The following CD52 variants were observed in gnomAD, a reference collection of about 807,000 sequenced individuals.
CD52 encodes the protein CD52 molecule, also known as CAMPATH-1 antigen.
CD52 carries 2 observed loss-of-function variants against 2.5 expected under a neutral mutation model. The observed-to-expected ratio is 0.79, with a 90% CI of 0.32 to 2.48. CD52 has a LOEUF of 2.48. Among genes scored for constraint, CD52 ranks in the 30% most tolerant of loss-of-function variants. The pLI is 0.11. For missense variants in CD52, 62 were observed against 75.8 expected (o/e 0.82, Z 0.68); for synonymous variants, 24 against 27.7 (o/e 0.87, Z 0.42).
chr1:26,319,678 A>T (rs1353136638), intron 1 of CD52, among the ~76,000 whole-genome samples: 1 of 152,130 alleles, frequency 6.6e-6, no homozygotes, highest in African/African-American at 2.4e-5. Context: ...GTGTCAAAGC[A>T]GGAAGCAGTC....
chr1:26,319,144 A>G (rs925993410), intron 1 of CD52: 9 of 152,256 alleles, frequency 5.9e-5, no homozygotes, highest in African/African-American at 2.2e-4. Flanking sequence ...TCCCGTCTCT[A>G]CTAAAAATAC....
intron 1 of CD52, 112 bp from the exon 2 acceptor site, chr1:26,320,059 G>A: frequency 5.4e-6 from 7 of 1,285,404 alleles, no homozygotes; most frequent in Non-Finnish European, 6.4e-6. Flanking sequence ...GGTGGAGGAT[G>A]CAGTGAGCCG....
intron 1 of CD52, 95 bp downstream of exon 1, chr1:26,318,166 T>C: frequency 9.3e-7 from 1 of 1,070,574 alleles, no homozygotes; most frequent in Non-Finnish European, 1.4e-6. Context: ...AGACCCAGCC[T>C]TCTCTCCTGA....
chr1:26,318,638 C>A (rs1192682015), intron 1 of CD52: 1 of 153,076 alleles, frequency 6.5e-6, no homozygotes, highest in Non-Finnish European at 1.5e-5. Flanking sequence ...GGTAGCATCC[C>A]AGGTGCCCAG....
intron 1 of CD52, 96 bp from the exon 2 acceptor site, chr1:26,320,075 G>A (rs1557698118): frequency 1.8e-5 from 26 of 1,422,478 alleles, no homozygotes; most frequent in Admixed American, 2.6e-5. Context: ...AGCCGAGATC[G>A]CATCACTGCA....
At chr1:26,318,893 C>T (rs2073823534) in intron 1 of CD52, 1 of 152,446 alleles carries the variant, frequency 6.6e-6, no homozygotes, top group Admixed American at 6.5e-5. Context: ...CTTCTCCCCA[C>T]TCAGAAGATG....
rs1172869991 is a variant in CD52, at chr1:26,318,043, T to G, written c.26T>G (p.Leu9Arg). MKRFLFLL[L>R]TISLLVMVQI... ...ATGAAGCGCTTCCTCTTCCTCCTAC[T>G]CACCATCAGCCTCCTGGTTATGGTA... The change falls in exon 1 of 2, where the codon CTC (leucine) becomes CGC (arginine). Residue 9 changes from leucine to arginine, a missense_variant. Transcript: ENST00000374213. The G allele has an allele frequency of 6.2e-7, 1 of 1,614,000 alleles. No individual in the cohort carries two copies. The highest frequency in any genetic ancestry group is 2.2e-5 in the East Asian group (1 of 44,894).
chr1:26,319,971 T>A (rs1436322280), intron 1 of CD52, among the ~76,000 whole-genome samples, 200 bp from the exon 2 acceptor site: 1 of 150,836 alleles, frequency 6.6e-6, no homozygotes, highest in African/African-American at 2.4e-5. Context: ...AATAGAAAAA[T>A]TAGCCGGGCG....
rs749227240 is a variant in CD52, at chr1:26,318,048, A to G, written c.31A>G (p.Ile11Val). Residue 11 changes from isoleucine to valine, a missense_variant, in exon 1 of 2, where the codon ATC (isoleucine) becomes GTC (valine). Physicochemically the swap from Ile to Val is conservative, Grantham distance 29. Coordinates refer to ENST00000374213, the MANE Select transcript of CD52 (RefSeq NM_001803.3). Reference protein sequence around the residue: MKRFLFLLLTISLLVMVQIQT... With the variant: MKRFLFLLLTVSLLVMVQIQT... ...GCGCTTCCTCTTCCTCCTACTCACCATCAGCCTCCTGGTTATGGTACAGGT... is the reference window on the plus strand; with the variant it reads ...GCGCTTCCTCTTCCTCCTACTCACCGTCAGCCTCCTGGTTATGGTACAGGT... 14 of 1,613,926 alleles carry G rather than the reference A, an allele frequency of 8.7e-6. No individual in the cohort carries two copies. The highest frequency in any genetic ancestry group is 1.6e-4 in the Middle Eastern group (1 of 6,084).
At position 26,320,172 on chromosome 1, in the gene CD52, T is replaced by A; in HGVS notation, c.56T>A (p.Ile19Lys). 6.2e-7 allele frequency: 1 copy of A among 1,609,374 alleles called. No homozygotes were observed. Among genetic ancestry groups the A allele is most frequent in the Non-Finnish European group, 8.5e-7 (1 of 1,178,712 alleles). ...CTTATCCCACTTCTCCTCCTACAGA[T>A]ACAAACTGGACTCTCAGGACAAAAC... ...LTISLLVMVQ[I>K]QTGLSGQNDT... The change falls in exon 2 of 2, where the codon ATA becomes AAA. Residue 19 changes from isoleucine to lysine, a missense_variant and splice_region_variant. Coordinates refer to ENST00000374213, the MANE Select transcript of CD52 (RefSeq NM_001803.3).
intron 1 of CD52, 113 bp downstream of exon 1, chr1:26,318,184 G>A (rs2073817909): frequency 1.1e-6 from 1 of 879,136 alleles, no homozygotes; most frequent in Non-Finnish European, 1.9e-6. Context: ...TGAGAGCACA[G>A]CAGATGGACT....
At chr1:26,319,591 G>T (rs577778756) in intron 1 of CD52, among the ~76,000 whole-genome samples, 1 of 152,008 alleles carries the variant, frequency 6.6e-6, no homozygotes, top group Non-Finnish European at 1.5e-5. Context: ...GCAAAAGAGC[G>T]AAACTCTATC....
At chr1:26,319,389 G>T (rs1187355917) in intron 1 of CD52, among the ~76,000 whole-genome samples, 1 of 151,476 alleles carries the variant, frequency 6.6e-6, no homozygotes, top group Non-Finnish European at 1.5e-5. Context: ...GAACCTGGGG[G>T]TGAAGCTTGC....
rs765324947 is a variant in CD52 at position 26,318,004 on chromosome 1, A to G, written c.-14A>G. 1 of 1,613,930 alleles carries G rather than the reference A, an allele frequency of 6.2e-7. No homozygotes were observed. Among genetic ancestry groups the G allele is most frequent in the Admixed American group, 1.7e-5 (1 of 60,028 alleles). On this transcript the variant is annotated 5_prime_UTR_variant, in exon 1 of 2. Coordinates refer to ENST00000374213, the MANE Select transcript of CD52 (RefSeq NM_001803.3). ...AAAAGCTGCTACCAAGACAGCCACGAAGATCCTACCAAAATGAAGCGCTTC... is the reference window on the plus strand; with the variant it reads ...AAAAGCTGCTACCAAGACAGCCACGGAGATCCTACCAAAATGAAGCGCTTC...
intron 1 of CD52, 63 bp from the exon 2 acceptor site, chr1:26,320,108 A>C: frequency 1.3e-6 from 2 of 1,555,370 alleles, no homozygotes; most frequent in Non-Finnish European, 1.7e-6. Flanking sequence ...TGACAGAGTG[A>C]GACTCCACCT....
chr1:26,318,165 C>G, intron 1 of CD52, 94 bp downstream of exon 1: 1 of 1,081,184 alleles, frequency 9.2e-7, no homozygotes, highest in Non-Finnish European at 1.4e-6. Context: ...GAGACCCAGC[C>G]TTCTCTCCTG....
In CD52 at chr1:26,318,042, C is replaced by T; in HGVS notation, c.25C>T (p.Leu9Phe). 2 of 1,614,210 alleles carry T rather than the reference C, an allele frequency of 1.2e-6. No homozygotes were observed. The highest frequency in any genetic ancestry group is 1.7e-6 in the Non-Finnish European group (2 of 1,180,016). ...AATGAAGCGCTTCCTCTTCCTCCTA[C>T]TCACCATCAGCCTCCTGGTTATGGT... MKRFLFLL[L>F]TISLLVMVQI... Residue 9 changes from leucine to phenylalanine, a missense_variant, in exon 1 of 2, where the codon CTC becomes TTC. Coordinates refer to ENST00000374213, the MANE Select transcript of CD52 (RefSeq NM_001803.3).
chr1:26,318,128 G>A, intron 1 of CD52, 57 bp downstream of exon 1: 1 of 1,460,740 alleles, frequency 6.8e-7, no homozygotes, highest in South Asian at 1.1e-5. Context: ...TGGCATGGAG[G>A]GAGGGCATAC....
At chr1:26,319,741 T>G (rs1042273133) in intron 1 of CD52, among the ~76,000 whole-genome samples, 1 of 151,856 alleles carries the variant, frequency 6.6e-6, no homozygotes, top group Non-Finnish European at 1.5e-5. Flanking sequence ...GGGGCAGAAC[T>G]GAGGACTGTT....
Sources: allele counts gnomAD v4.1 joint callset (sites outside exome capture counted in the v4.1 genomes callset), GRCh38; gene constraint gnomAD v4.1.1; transcripts MANE v1.5; gene names NCBI Gene and HGNC (gene_info 2026-07-23, HGNC 2026-07-21).